Variants in PGBD5 observed in about 807,000 individuals in gnomAD.
The protein encoded by PGBD5 is piggyBac transposable element-derived protein 5.
A neutral mutation model predicts 47.9 loss-of-function variants in PGBD5; 14 were observed. That is an observed-to-expected ratio of 0.29 (90% CI 0.19 to 0.46). The LOEUF is 0.46. Among genes scored for constraint, PGBD5 ranks in the 20% least tolerant of loss-of-function variants. The probability of loss-of-function intolerance (pLI) is 1.00; values close to 1 mark genes in which losing one functional copy is unlikely to be tolerated. For synonymous variants in PGBD5, 316 were observed against 306.3 expected (o/e 1.03, Z -0.33); for missense variants, 635 against 716.0 (o/e 0.89, Z 1.29).
Position 230,425,747 on chromosome 1 carries a change from TCCGAGGAGGCGG to T in PGBD5, c.170_181del (p.Ala57_Ser60del), listed in dbSNP as rs1169419216. ...GGGTCCCGGGGGCTCGCGCTCGTCG[TCCGAGGAGGCGG>T]CCGAGGAGGAGCGCGAGGCGGCCGA... On this transcript the variant is annotated inframe_deletion, in exon 1 of 7. Transcript: ENST00000391860. This position sits in a 1 kb window ranked among gnomAD's most constrained non-coding sequence, Gnocchi z 4.7. The T allele has an allele frequency of 3.3e-6, 4 of 1,211,262 alleles. No individual in the cohort carries two copies. The highest frequency in any genetic ancestry group is 4.1e-5 in the South Asian group (1 of 24,106). The allele number at this position is 1,211,262 out of a possible 1,614,324, so 75.0% of individuals were successfully genotyped here. A position where few individuals can be genotyped will look rare whatever the true frequency, so the allele number is the denominator to read the frequency against.
At position 230,323,731 on chromosome 1, in the gene PGBD5, G is replaced by A. The variant is rs957817577; in HGVS notation, c.1380-111C>T. The A allele has an allele frequency of 2.0e-5, 21 of 1,058,180 alleles. No homozygotes were observed. Among genetic ancestry groups the A allele is most frequent in the East Asian group, 4.9e-5 (2 of 40,908 alleles). The allele number at this position is 1,058,180 out of a possible 1,614,324, so 65.5% of individuals were successfully genotyped here. ...CGTGAGACGCTGCAGGTTCGCCCCC[G>A]ACAGAAGCAGGAGGGCTATGGGGGC... On this transcript the variant is annotated intron_variant, in intron 6 of 6. Transcript: ENST00000391860. The surrounding 1 kb of genome is among the most constrained non-coding windows in gnomAD (Gnocchi z 4.1).
chr1:230,333,151 T>C, intron 4 of PGBD5, 110 bp from the exon 5 acceptor site: 1 of 1,187,278 alleles, frequency 8.4e-7, no homozygotes, highest in Non-Finnish European at 1.2e-6. Flanking sequence ...GTTCTGAGGC[T>C]GATGCTTGGG....
intron 1 of PGBD5, among the ~76,000 whole-genome samples, chr1:230,400,489 CT>C (rs1211290650): frequency 1.3e-5 from 2 of 152,174 alleles, no homozygotes; most frequent in Non-Finnish European, 2.9e-5. Context: ...ATTTGGTTCA[CT>C]GATGTATTCT....
intron 1 of PGBD5, among the ~76,000 whole-genome samples, chr1:230,400,183 C>A (rs1164362613): frequency 6.6e-6 from 1 of 152,218 alleles, no homozygotes; most frequent in Non-Finnish European, 1.5e-5. Flanking sequence ...TCGGGCCTCA[C>A]ACTGTCAGGC....
chr1:230,372,820 G>A (rs895491054), intron 1 of PGBD5, among the ~76,000 whole-genome samples: 1 of 152,176 alleles, frequency 6.6e-6, no homozygotes, highest in African/African-American at 2.4e-5. Context: ...GTGGTCAACT[G>A]AGGTGCTGGG....
In PGBD5 at chr1:230,333,600, C is replaced by T. The variant is rs17841811; in HGVS notation, c.1076-559G>A. On this transcript the variant is annotated intron_variant, in intron 4 of 6. Transcript: ENST00000391860. ...TCACCAGGACGTGGCTGAACGCGAG[C>T]CCAGTGCTGAGCCAGTCCACACTGC... 4.8e-3 allele frequency among the ~76,000 whole-genome samples: 724 copies of T among 152,340 alleles called. 6 individuals are homozygous for T. Among genetic ancestry groups the T allele is most frequent in the African/African-American group, 0.016 (679 of 41,582 alleles).
At chr1:230,380,050 C>T (rs9786936) in intron 1 of PGBD5, among the ~76,000 whole-genome samples, 40,892 of 152,110 alleles carry the variant, frequency 0.27, 6,662 homozygotes, top group Non-Finnish European at 0.36. Flanking sequence ...TAGGCAATTC[C>T]ACAGAGCAGG....
Position 230,337,050 on chromosome 1 carries a change from C to A in PGBD5, c.1075+58G>T. Reference sequence around the variant, plus strand: ...ATCTGCACCCCCACCTGGACCTCTCCCACCACTTTCCCAGGGGAGGCTGGG... The same window carrying A: ...ATCTGCACCCCCACCTGGACCTCTCACACCACTTTCCCAGGGGAGGCTGGG... On this transcript the variant is annotated intron_variant, in intron 4 of 6. Transcript: ENST00000391860. 5 of 1,574,322 alleles carry A rather than the reference C, an allele frequency of 3.2e-6. No individual in the cohort carries two copies. The South Asian group carries it at 5.9e-5, about 19-fold the overall frequency.
chr1:230,411,118 T>C (rs539282649), intron 1 of PGBD5, among the ~76,000 whole-genome samples: 66 of 151,540 alleles, frequency 4.4e-4, no homozygotes, highest in African/African-American at 1.4e-3. Flanking sequence ...CTACAAAAAA[T>C]TAAGGAAAAA....
intron 1 of PGBD5, among the ~76,000 whole-genome samples, chr1:230,398,749 A>G (rs1657060915): frequency 6.6e-6 from 1 of 152,174 alleles, no homozygotes; most frequent in Non-Finnish European, 1.5e-5. Flanking sequence ...AGCTCCCAGA[A>G]CTGGGTTTTT....
At chr1:230,397,112 T>C (rs1002680778) in intron 1 of PGBD5, among the ~76,000 whole-genome samples, 2 of 152,200 alleles carry the variant, frequency 1.3e-5, no homozygotes, top group Non-Finnish European at 2.9e-5. Flanking sequence ...GAATCAAGAC[T>C]CCACTGAGGC....
At chr1:230,399,551 G>A (rs1006095662) in intron 1 of PGBD5, among the ~76,000 whole-genome samples, 13 of 152,018 alleles carry the variant, frequency 8.6e-5, no homozygotes, top group Non-Finnish European at 1.3e-4. Context: ...CCATCTCCTC[G>A]ACACCCCTGA....
intron 1 of PGBD5, among the ~76,000 whole-genome samples, chr1:230,393,379 G>A (rs1656839444): frequency 6.6e-6 from 1 of 151,966 alleles, no homozygotes; most frequent in Admixed American, 6.5e-5. Flanking sequence ...GATGCGAGGA[G>A]GAGGAGAGCA....
intron 1 of PGBD5, among the ~76,000 whole-genome samples, chr1:230,402,740 G>C (rs1024852586): frequency 2.0e-5 from 3 of 152,148 alleles, no homozygotes; most frequent in Non-Finnish European, 4.4e-5. Flanking sequence ...CTTCCACCTT[G>C]GCCTTCCAAA....
At position 230,315,626 on chromosome 1, in the gene PGBD5, G is replaced by A. The variant is rs2102804287; in HGVS notation, c.*7799C>T. 1 of 152,026 alleles carries A rather than the reference G, an allele frequency of 6.6e-6. No homozygotes were observed. Among genetic ancestry groups the A allele is most frequent in the African/African-American group, 2.4e-5 (1 of 41,444 alleles). 9.4% of individuals were successfully genotyped at this position (152,026 alleles called of 1,614,324 possible). ...ACTGGACATGTGGTTTGATTGCTAA[G>A]GACCTAGCAGAGGCTCATCATGTGG... On this transcript the variant is annotated 3_prime_UTR_variant, in exon 7 of 7. Coordinates refer to ENST00000391860, the MANE Select transcript of PGBD5 (RefSeq NM_001258311.2).
At chr1:230,355,473 T>A (rs1418059017) in intron 2 of PGBD5, among the ~76,000 whole-genome samples, 1 of 152,232 alleles carries the variant, frequency 6.6e-6, no homozygotes, top group Non-Finnish European at 1.5e-5. Flanking sequence ...TATTTTTCCC[T>A]TGCATCCAGG....
chr1:230,396,733 C>T (rs1239593537), intron 1 of PGBD5, among the ~76,000 whole-genome samples: 1 of 151,848 alleles, frequency 6.6e-6, no homozygotes, highest in Non-Finnish European at 1.5e-5. Context: ...GAAACAACAC[C>T]GTGTACTGAC....
intron 1 of PGBD5, among the ~76,000 whole-genome samples, chr1:230,415,611 T>C (rs1046461164): frequency 6.6e-6 from 1 of 152,160 alleles, no homozygotes; most frequent in African/African-American, 2.4e-5. Flanking sequence ...CATCTGCCCA[T>C]GTGGGTCTCT....
intron 1 of PGBD5, among the ~76,000 whole-genome samples, chr1:230,409,507 TA>T (rs1657370217): frequency 6.6e-6 from 1 of 152,212 alleles, no homozygotes. Context: ...AATGGAATAT[TA>T]TTCAACAAGA....
Sources: allele counts gnomAD v4.1 joint callset (sites outside exome capture counted in the v4.1 genomes callset), GRCh38; gene constraint gnomAD v4.1.1; non-coding constraint Gnocchi (gnomAD v3.1); transcripts MANE v1.5; gene names NCBI Gene and HGNC (gene_info 2026-07-23, HGNC 2026-07-21).